Variants in FCRL2 observed in about 807,000 individuals in gnomAD.
FCRL2 encodes Fc receptor like 2.
A neutral mutation model predicts 59.8 loss-of-function variants in FCRL2; 48 were observed. That is an observed-to-expected ratio of 0.80 (90% CI 0.64 to 1.02). The LOEUF is 1.02. FCRL2 is among the 50% of genes least tolerant of loss of function. FCRL2 has a pLI of 0.00. For synonymous variants in FCRL2, 251 were observed against 229.5 expected (o/e 1.09, Z -0.85); for missense variants, 658 against 597.3 (o/e 1.10, Z -1.06).
At chr1:157,760,021 A>C (rs1648900060) in intron 7 of FCRL2, among the ~76,000 whole-genome samples, 1 of 152,258 alleles carries the variant, frequency 6.6e-6, no homozygotes, top group Non-Finnish European at 1.5e-5. Context: ...TATTCACAAT[A>C]GCAAAGACAT....
intron 1 of FCRL2, among the ~76,000 whole-genome samples, chr1:157,776,789 A>T (rs11264819): frequency 0.017 from 2,577 of 152,336 alleles, 62 homozygotes; most frequent in African/African-American, 0.057. Flanking sequence ...AAGATATCAA[A>T]ATAGCAATTC....
chr1:157,762,592 T>C (rs913223510), intron 7 of FCRL2, among the ~76,000 whole-genome samples: 2 of 152,158 alleles, frequency 1.3e-5, no homozygotes, highest in Non-Finnish European at 2.9e-5. Flanking sequence ...ACAAAACCTC[T>C]GAGATCCCCA....
intron 1 of FCRL2, among the ~76,000 whole-genome samples, chr1:157,776,323 A>G (rs1418364932): frequency 4.6e-5 from 7 of 152,168 alleles, no homozygotes; most frequent in Non-Finnish European, 8.8e-5. Flanking sequence ...AGGCTGGAGT[A>G]CAATGGTGCG....
chr1:157,771,963 A>G (rs920371347), intron 2 of FCRL2, among the ~76,000 whole-genome samples: 2 of 151,848 alleles, frequency 1.3e-5, no homozygotes, highest in African/African-American at 4.8e-5. Context: ...GGCAAAATGT[A>G]TGGTTCGCTA....
At chr1:157,761,211 G>C (rs752252020) in intron 7 of FCRL2, among the ~76,000 whole-genome samples, 2 of 152,182 alleles carry the variant, frequency 1.3e-5, no homozygotes, top group Non-Finnish European at 2.9e-5. Context: ...GTGCAACAAA[G>C]TTAGGTTTGA....
At chr1:157,750,306 A>G (rs765153013) in intron 7 of FCRL2, among the ~76,000 whole-genome samples, 1 of 152,186 alleles carries the variant, frequency 6.6e-6, no homozygotes, top group Non-Finnish European at 1.5e-5. Flanking sequence ...CTCCATTAAT[A>G]CCTCAGGAAA....
At chr1:157,764,310 C>A (rs1042895726) in intron 7 of FCRL2, among the ~76,000 whole-genome samples, 1 of 151,830 alleles carries the variant, frequency 6.6e-6, no homozygotes, top group Non-Finnish European at 1.5e-5. Flanking sequence ...CACTTGAGCA[C>A]CCAAAATCAT....
chr1:157,767,931 G>A (rs561121146), intron 5 of FCRL2: 52 of 318,772 alleles, frequency 1.6e-4, no homozygotes, highest in Non-Finnish European at 2.6e-4. Context: ...AGGACTATAG[G>A]ACTGGGTTAG....
At chr1:157,768,775 C>A in intron 4 of FCRL2, 74 bp from the exon 5 acceptor site, 1 of 1,398,450 alleles carries the variant, frequency 7.2e-7, no homozygotes, top group Non-Finnish European at 9.7e-7. Flanking sequence ...ATTCCATTCT[C>A]TAATGCAAAA....
intron 7 of FCRL2, among the ~76,000 whole-genome samples, chr1:157,752,361 T>C (rs527556733): frequency 1.3e-5 from 2 of 152,354 alleles, no homozygotes; most frequent in East Asian, 1.9e-4. Context: ...CCTGCCGCCA[T>C]CCACATAAGA....
chr1:157,750,959 T>A (rs1648139563), intron 7 of FCRL2, among the ~76,000 whole-genome samples: 1 of 152,224 alleles, frequency 6.6e-6, no homozygotes, highest in South Asian at 2.1e-4. Flanking sequence ...TAATATTCCT[T>A]GATCATAATG....
At chr1:157,756,315 G>A (rs1648584833) in intron 7 of FCRL2, among the ~76,000 whole-genome samples, 1 of 152,172 alleles carries the variant, frequency 6.6e-6, no homozygotes, top group African/African-American at 2.4e-5. Context: ...ATAAATTGAG[G>A]TGGTCCCAAT....
rs752169037 is a variant in FCRL2 at position 157,767,654 on chromosome 1, A to G, written c.884-145T>C. 3.7e-6 allele frequency: 6 copies of G among 1,603,852 alleles called. No homozygotes were observed. In the African/African-American group the frequency reaches 5.4e-5, roughly 14 times the overall value. Reference sequence around the variant, plus strand: ...CACATTCCCACTAGAACAGTTAGAGATAATTTTCTCAACAATATATTTAGA... The same window carrying G: ...CACATTCCCACTAGAACAGTTAGAGGTAATTTTCTCAACAATATATTTAGA... On this transcript the variant is annotated intron_variant, in intron 5 of 11. Coordinates refer to ENST00000361516, the MANE Select transcript of FCRL2 (RefSeq NM_030764.4).
intron 2 of FCRL2, among the ~76,000 whole-genome samples, chr1:157,774,060 A>T (rs893213052): frequency 2.6e-5 from 4 of 152,252 alleles, no homozygotes; most frequent in African/African-American, 9.6e-5. Context: ...TTTCACAAGA[A>T]TTTCAGTGAA....
In FCRL2 at chr1:157,767,295, G is replaced by C. The variant is rs542760658; in HGVS notation, c.1098C>G (p.Tyr366Ter). 5.6e-6 allele frequency: 9 copies of C among 1,614,248 alleles called. No homozygotes were observed. The Admixed American group carries it at 1.3e-4, about 24-fold the overall frequency. ...LSLTAEHSGN[Y>*]SCEANNGLGA... ...CCAGGCCGTTGTTGGCCTCACAGGA[G>C]TAGTTTCCAGAATGTTCTGCAGTCA... The change falls in exon 6 of 12, where the codon TAC becomes TAG. Residue 366 changes from tyrosine (Y) to a stop codon, truncating the protein, a stop_gained. Coordinates refer to ENST00000361516, the MANE Select transcript of FCRL2 (RefSeq NM_030764.4). LOFTEE classifies it high-confidence loss of function.
In FCRL2 at chr1:157,757,927, G is replaced by A. The variant is rs572874917; in HGVS notation, c.1280-8250C>T. 5.3e-5 allele frequency among the ~76,000 whole-genome samples: 8 copies of A among 152,278 alleles called. No homozygotes were observed. In the East Asian group the frequency reaches 9.7e-4, roughly 18 times the overall value. ...CAGTGAGCCTAGATGGTGCCACTGC[G>A]CTCTAGCCTGGGTGACAGAGTGAGA... On this transcript the variant is annotated intron_variant, in intron 7 of 11. Coordinates refer to ENST00000361516, the MANE Select transcript of FCRL2 (RefSeq NM_030764.4).
At chr1:157,756,671 T>A (rs868763651) in intron 7 of FCRL2, among the ~76,000 whole-genome samples, 1 of 134,104 alleles carries the variant, frequency 7.5e-6, no homozygotes, top group Admixed American at 7.5e-5. Flanking sequence ...ACAGTGACAC[T>A]TTGTCTGGAA....
rs558862571 is a variant in FCRL2 at position 157,775,660 on chromosome 1, G to C, written c.52+115C>G. 2.5e-5 allele frequency: 28 copies of C among 1,104,244 alleles called. No individual in the cohort carries two copies. The African/African-American group carries it at 3.3e-4, about 13-fold the overall frequency. The allele number at this position is 1,104,244 out of a possible 1,614,324, so 68.4% of individuals were successfully genotyped here. A position where few individuals can be genotyped will look rare whatever the true frequency, so the allele number is the denominator to read the frequency against. ...ACCTCAGAACATGTCAGCCTAGAGG[G>C]CAGTAATATTAGGACATCTTCACAG... On this transcript the variant is annotated intron_variant, in intron 2 of 11. Transcript: ENST00000361516.
intron 7 of FCRL2, among the ~76,000 whole-genome samples, chr1:157,763,126 A>T (rs1649228203): frequency 6.6e-6 from 1 of 152,274 alleles, no homozygotes; most frequent in Admixed American, 6.5e-5. Context: ...AGAAAAAACA[A>T]CAAGGAATAC....
Sources: gnomAD v4.1 joint callset for allele counts (sites outside exome capture counted in the v4.1 genomes callset) on GRCh38, gnomAD v4.1.1 for gene constraint, MANE v1.5 for transcripts, NCBI Gene and HGNC (gene_info 2026-07-23, HGNC 2026-07-21) for gene names.